Variants in LPP observed in about 807,000 individuals in gnomAD.
LPP encodes lipoma-preferred partner.
LPP carries 38 observed loss-of-function variants against 60.4 expected under a neutral mutation model. The observed-to-expected ratio is 0.63, with a 90% CI of 0.49 to 0.83. LPP has a LOEUF of 0.83. Ranked by LOEUF, LPP falls within the 40% of genes least tolerant of loss-of-function variation. The pLI, the probability that LPP is intolerant of heterozygous loss-of-function variation, is 0.00. For missense variants in LPP, 902 were observed against 783.6 expected (o/e 1.15, Z -1.80); for synonymous variants, 328 against 290.8 (o/e 1.13, Z -1.30).
intron 5 of LPP, among the ~76,000 whole-genome samples, chr3:188,502,566 G>T (rs561455057): frequency 6.6e-6 from 1 of 152,058 alleles, no homozygotes; most frequent in Non-Finnish European, 1.5e-5. Context: ...CTGCCAACCC[G>T]TCTTTTGACC....
In LPP at chr3:188,346,251, C is replaced by CTTTTTTTTTTTTTTTTTTTTTT. The variant is rs1050679907; in HGVS notation, c.-10+4537_-10+4558dup. Among the ~76,000 whole-genome samples, 18 of 88,340 alleles carry CTTTTTTTTTTTTTTTTTTTTTT rather than the reference C, an allele frequency of 2.0e-4. 4 individuals are homozygous for CTTTTTTTTTTTTTTTTTTTTTT. Among genetic ancestry groups the CTTTTTTTTTTTTTTTTTTTTTT allele is most frequent in the African/African-American group, 8.9e-4 (17 of 19,120 alleles). The allele number at this position is 88,340 out of a possible 152,430, so 58.0% of individuals were successfully genotyped here. ...CAGGGACCTGCCTAAAGTAGCAAATCTTTTTTTTTTTTTTTTTTTTTTTTT... is the reference window on the plus strand; with the variant it reads ...CAGGGACCTGCCTAAAGTAGCAAATCTTTTTTTTTTTTTTTTTTTTTTTTTTTTTTTTTTTTTTTTTTTTTTT... On this transcript the variant is annotated intron_variant, in intron 3 of 11. Transcript: ENST00000617246.
At chr3:188,559,236 T>C (rs973186338) in intron 6 of LPP, among the ~76,000 whole-genome samples, 1 of 152,078 alleles carries the variant, frequency 6.6e-6, no homozygotes, top group African/African-American at 2.4e-5. Context: ...AGCTGTTAAC[T>C]GGCTCACCAT....
intron 9 of LPP, among the ~76,000 whole-genome samples, chr3:188,834,324 G>GTTTTTTTTTTTTTTTTTTTTTTTTTT (rs71867135): frequency 3.2e-4 from 11 of 34,100 alleles, no homozygotes; most frequent in Non-Finnish European, 4.5e-4. Flanking sequence ...CTTTTTGGGT[G>GTTTTTTTTTTTTTTTTTTTTTTTTTT]TTTTTTTTTT....
At chr3:188,805,516 TTG>T (rs1218048164) in intron 9 of LPP, among the ~76,000 whole-genome samples, 2 of 140,262 alleles carry the variant, frequency 1.4e-5, no homozygotes, top group Non-Finnish European at 3.0e-5. Context: ...TGAATAGAGT[TTG>T]TTGTGATTTT....
At chr3:188,499,161 C>T (rs1029449484) in intron 5 of LPP, among the ~76,000 whole-genome samples, 1 of 152,084 alleles carries the variant, frequency 6.6e-6, no homozygotes, top group African/African-American at 2.4e-5. Flanking sequence ...CAATTTGTCT[C>T]TTGTGTTATT....
At chr3:188,216,640 C>T (rs530816176) in intron 1 of LPP, among the ~76,000 whole-genome samples, 172 of 152,300 alleles carry the variant, frequency 1.1e-3, no homozygotes, top group African/African-American at 3.9e-3. Context: ...ACTTTTCTCA[C>T]CTGAAAGAGG....
rs370292434 is a variant in LPP at position 188,863,173 on chromosome 3, G to A, written c.1411-3027G>A. 1.6e-4 allele frequency among the ~76,000 whole-genome samples: 24 copies of A among 152,096 alleles called. No individual in the cohort carries two copies. In the East Asian group the frequency reaches 4.1e-3, roughly 26 times the overall value. ...ATGTAAACATGTATCTTTTTCTATT[G>A]TTGTTAATACTGATTTATCACAGAT... On this transcript the variant is annotated intron_variant, in intron 9 of 11. Coordinates refer to ENST00000617246, the MANE Select transcript of LPP (RefSeq NM_001375462.1).
chr3:188,550,235 C>A (rs953034933), intron 6 of LPP, among the ~76,000 whole-genome samples: 2 of 152,100 alleles, frequency 1.3e-5, no homozygotes, highest in Admixed American at 6.5e-5. Context: ...ATAATTCAAA[C>A]TATAGCTGAA....
chr3:188,678,477 A>G (rs1271689983), intron 7 of LPP, among the ~76,000 whole-genome samples: 1 of 152,176 alleles, frequency 6.6e-6, no homozygotes, highest in African/African-American at 2.4e-5. Flanking sequence ...TATGTTGTAT[A>G]TTTCTGCCTT....
chr3:188,857,417 G>T (rs912656816), intron 9 of LPP, among the ~76,000 whole-genome samples: 18 of 152,266 alleles, frequency 1.2e-4, no homozygotes, highest in Admixed American at 1.1e-3. Context: ...TCAAATCCTG[G>T]CTGCATTTAT....
In LPP at chr3:188,176,635, G is replaced by A. The variant is rs1486881351; in HGVS notation, c.-190+22383G>A. ...TCAGTTAACCCACATTTATTGACCA[G>A]TGCTGTGTGTTCACAACTGTATTTA... On this transcript the variant is annotated intron_variant, in intron 1 of 11. Transcript: ENST00000617246. 2.0e-5 allele frequency among the ~76,000 whole-genome samples: 3 copies of A among 151,984 alleles called. No homozygotes were observed. The South Asian group carries it at 6.2e-4, about 31-fold the overall frequency.
chr3:188,256,760 G>T (rs1240885053), intron 2 of LPP, among the ~76,000 whole-genome samples: 2 of 152,138 alleles, frequency 1.3e-5, no homozygotes, highest in Admixed American at 1.3e-4. Flanking sequence ...TCTCAGCTTT[G>T]GCTTACTATT....
chr3:188,868,972 G>A (rs572552169), intron 10 of LPP, among the ~76,000 whole-genome samples: 1 of 152,314 alleles, frequency 6.6e-6, no homozygotes, highest in South Asian at 2.1e-4. Flanking sequence ...GGGAGAAAGG[G>A]CTGAACTCCA....
chr3:188,753,208 T>C (rs937508082), intron 8 of LPP, among the ~76,000 whole-genome samples: 1 of 152,194 alleles, frequency 6.6e-6, no homozygotes. Context: ...GAATAATTGG[T>C]TGGTAGGACT....
intron 1 of LPP, among the ~76,000 whole-genome samples, chr3:188,222,793 T>G (rs999391330): frequency 7.9e-5 from 12 of 152,206 alleles, no homozygotes; most frequent in African/African-American, 2.9e-4. Context: ...GTGTCTTGTT[T>G]TGAGCTCCTT....
At chr3:188,634,546 G>T (rs1580559186) in intron 7 of LPP, among the ~76,000 whole-genome samples, 1 of 152,210 alleles carries the variant, frequency 6.6e-6, no homozygotes, top group Non-Finnish European at 1.5e-5. Flanking sequence ...AGCTTCATCT[G>T]TATTTACAGC....
At position 188,853,204 on chromosome 3, in the gene LPP, C is replaced by G. The variant is rs866579080; in HGVS notation, c.1411-12996C>G. Among the ~76,000 whole-genome samples, 77 of 152,204 alleles carry G rather than the reference C, an allele frequency of 5.1e-4. 1 individual carries two copies. The highest frequency in any genetic ancestry group is 1.8e-3 in the African/African-American group (75 of 41,530). On this transcript the variant is annotated intron_variant, in intron 9 of 11. Transcript: ENST00000617246. ...CAGGCAGCATCACTGCTATGACATTCTCTTGGCCAGGCAGTTGCATAGGTT... is the reference window on the plus strand; with the variant it reads ...CAGGCAGCATCACTGCTATGACATTGTCTTGGCCAGGCAGTTGCATAGGTT...
At chr3:188,324,435 C>A (rs1757814895) in intron 2 of LPP, among the ~76,000 whole-genome samples, 1 of 152,152 alleles carries the variant, frequency 6.6e-6, no homozygotes, top group Non-Finnish European at 1.5e-5. Flanking sequence ...AGCAGCATCA[C>A]CCGAAATGCG....
At chr3:188,340,633 C>T (rs1341220549) in intron 2 of LPP, among the ~76,000 whole-genome samples, 3 of 152,036 alleles carry the variant, frequency 2.0e-5, no homozygotes. Flanking sequence ...ATTATGGGCA[C>T]AAAGTTGAAA....
Sources: allele counts gnomAD v4.1 joint callset (sites outside exome capture counted in the v4.1 genomes callset), GRCh38; gene constraint gnomAD v4.1.1; transcripts MANE v1.5; gene names NCBI Gene and HGNC (gene_info 2026-07-23, HGNC 2026-07-21).